The following JADE2 variants were observed in gnomAD, a reference collection of about 807,000 sequenced individuals.
JADE2 encodes jade family PHD finger 2.
In JADE2, 13 loss-of-function variants were observed where a neutral mutation model predicts 85.7. The observed-to-expected ratio is 0.15, with a 90% CI of 0.10 to 0.24. The LOEUF (loss-of-function observed/expected upper bound fraction) is 0.24. JADE2 is among the 10% of genes least tolerant of loss of function. The probability of loss-of-function intolerance (pLI) is 1.00; values close to 1 mark genes in which losing one functional copy is unlikely to be tolerated. For synonymous variants in JADE2, 440 were observed against 456.1 expected (o/e 0.96, Z 0.45); for missense variants, 846 against 1,115.9 (o/e 0.76, Z 3.45).
chr5:134,576,950 C>G, intron 11 of JADE2, 54 bp downstream of exon 11: 1 of 1,489,628 alleles, frequency 6.7e-7, no homozygotes, highest in Non-Finnish European at 8.9e-7. Flanking sequence ...CATCACCACG[C>G]TTGCAGCTCT....
chr5:134,539,168 T>C (rs1326672561), intron 3 of JADE2, among the ~76,000 whole-genome samples: 2 of 151,930 alleles, frequency 1.3e-5, no homozygotes, highest in African/African-American at 2.4e-5. Flanking sequence ...TTCACGCCAT[T>C]CTCCTGCCTC....
intron 3 of JADE2, among the ~76,000 whole-genome samples, chr5:134,550,227 A>T (rs553389957): frequency 6.6e-6 from 1 of 152,322 alleles, no homozygotes; most frequent in African/African-American, 2.4e-5. Context: ...ATTAAATTAT[A>T]TTGGCAAGTA....
rs1468980602 is a variant in JADE2, at chr5:134,562,278, C to A, written c.763C>A (p.Leu255Met). 1 of 1,614,016 alleles carries A rather than the reference C, an allele frequency of 6.2e-7. No homozygotes were observed. Among genetic ancestry groups the A allele is most frequent in the Non-Finnish European group, 8.5e-7 (1 of 1,180,006 alleles). Reference sequence around the variant, plus strand: ...TGCCCTGGGTGTCCAGCCAAAGTGCCTGCTCTGCCCCAAGCGAGGAGGAGC... The same window carrying A: ...TGCCCTGGGTGTCCAGCCAAAGTGCATGCTCTGCCCCAAGCGAGGAGGAGC... ...TCALGVQPKC[L>M]LCPKRGGALK... The change falls in exon 7 of 12, where the codon CTG becomes ATG. Residue 255 changes from leucine to methionine, a missense_variant. Physicochemically the swap from Leu to Met is conservative, Grantham distance 15. Transcript: ENST00000681547. This position sits in a 1 kb window ranked among gnomAD's most constrained non-coding sequence, Gnocchi z 4.6.
intron 6 of JADE2, among the ~76,000 whole-genome samples, chr5:134,561,204 C>T (rs1341822398): frequency 1.3e-5 from 2 of 152,238 alleles, no homozygotes; most frequent in Non-Finnish European, 1.5e-5. Flanking sequence ...AGACCCTCTC[C>T]ACCTTGTGCC....
At chr5:134,532,397 T>A (rs1285789190) in intron 1 of JADE2, among the ~76,000 whole-genome samples, 1 of 152,064 alleles carries the variant, frequency 6.6e-6, no homozygotes, top group Non-Finnish European at 1.5e-5. Context: ...CTGTGGGCTT[T>A]TGCTTCATTG....
chr5:134,579,068 C>T lies in JADE2; in HGVS notation c.2256C>T (p.Leu752=). ...CAAGCCCTAAGCCTTTGGGCCGGCT[C>T]CGGCCACCCCGCGAGAGCAAGGTAA... ...PAASPKPLGR[L]RPPRESKVTR... is the part of the protein sequence containing the mutation. The change falls in exon 12 of 12, where the codon CTC becomes CTT. Residue 752 remains leucine, a synonymous_variant. Coordinates refer to ENST00000681547, the MANE Select transcript of JADE2 (RefSeq NM_001388185.1). This position sits in a 1 kb window ranked among gnomAD's most constrained non-coding sequence, Gnocchi z 4.6. The T allele has an allele frequency of 6.2e-7, 1 of 1,614,030 alleles. No individual in the cohort carries two copies. Among genetic ancestry groups the T allele is most frequent in the Non-Finnish European group, 8.5e-7 (1 of 1,179,984 alleles).
At chr5:134,545,260 T>C (rs1762225007) in intron 3 of JADE2, among the ~76,000 whole-genome samples, 1 of 152,190 alleles carries the variant, frequency 6.6e-6, no homozygotes, top group Non-Finnish European at 1.5e-5. Flanking sequence ...GATCCACTTC[T>C]ATAGTTGGAA....
At chr5:134,576,746 C>T (rs1229660788) in intron 10 of JADE2, 22 bp from the exon 11 acceptor site, 49 of 1,550,422 alleles carry the variant, frequency 3.2e-5, no homozygotes, top group Non-Finnish European at 3.9e-5. Flanking sequence ...TCTCCCTCCT[C>T]CTCTCACTTT....
At chr5:134,529,656 G>A (rs1313387670) in intron 1 of JADE2, among the ~76,000 whole-genome samples, 1 of 152,364 alleles carries the variant, frequency 6.6e-6, no homozygotes, top group Non-Finnish European at 1.5e-5. Context: ...TACCTGGGGA[G>A]GGTCCCCGAT....
intron 3 of JADE2, among the ~76,000 whole-genome samples, chr5:134,548,803 G>A (rs1762441924): frequency 6.6e-6 from 1 of 152,198 alleles, no homozygotes; most frequent in East Asian, 1.9e-4. Flanking sequence ...CTCCAGCCTG[G>A]GCTGAATGCT....
chr5:134,553,430 T>G (rs1762721387), intron 4 of JADE2, among the ~76,000 whole-genome samples: 1 of 151,036 alleles, frequency 6.6e-6, no homozygotes, highest in African/African-American at 2.4e-5. Context: ...CTTGGCTCAC[T>G]GCAACCTCCG....
chr5:134,528,543 C>T (rs1412310133), intron 1 of JADE2, among the ~76,000 whole-genome samples: 1 of 152,196 alleles, frequency 6.6e-6, no homozygotes, highest in Non-Finnish European at 1.5e-5. Context: ...TTTTGGGTCA[C>T]AGGCTGCAAA....
intron 3 of JADE2, among the ~76,000 whole-genome samples, chr5:134,542,595 C>G (rs1410458530): frequency 6.6e-6 from 1 of 152,062 alleles, no homozygotes; most frequent in Non-Finnish European, 1.5e-5. Context: ...GCATGTGCCA[C>G]CACGTCCAGC....
chr5:134,548,006 T>C (rs926927360), intron 3 of JADE2, among the ~76,000 whole-genome samples: 7 of 152,166 alleles, frequency 4.6e-5, no homozygotes, highest in Admixed American at 1.3e-4. Flanking sequence ...AAGGATGAAG[T>C]GTGCCAGCTT....
rs991615750 is a variant in JADE2 at position 134,579,420 on chromosome 5, G to C, written c.*103G>C. The C allele has an allele frequency of 2.3e-6, 2 of 876,132 alleles. No individual in the cohort carries two copies. Among genetic ancestry groups the C allele is most frequent in the Non-Finnish European group, 3.4e-6 (2 of 588,048 alleles). The allele number at this position is 876,132 out of a possible 1,614,324, so 54.3% of individuals were successfully genotyped here. The stretch of plus-strand genomic sequence containing the variant: ...TCTCTGCTGAGTGTCCCAGACCCTC[G>C]AGGCTGCCACTCCGTCGTGGTTTTA... On this transcript the variant is annotated 3_prime_UTR_variant, in exon 12 of 12. Coordinates refer to ENST00000681547, the MANE Select transcript of JADE2 (RefSeq NM_001388185.1). The surrounding 1 kb of genome is among the most constrained non-coding windows in gnomAD (Gnocchi z 4.6).
chr5:134,570,494 C>T (rs756032871), intron 9 of JADE2, among the ~76,000 whole-genome samples: 4 of 152,162 alleles, frequency 2.6e-5, no homozygotes, highest in South Asian at 2.1e-4. Context: ...TGGGTTCCTC[C>T]GCTCCCACCC....
At chr5:134,551,919 T>C (rs1397059140) in intron 3 of JADE2, 133 bp from the exon 4 acceptor site, 2 of 820,732 alleles carry the variant, frequency 2.4e-6, no homozygotes, top group Non-Finnish European at 4.2e-6. Flanking sequence ...TGATTGCTTT[T>C]ATTTCGTCTT....
chr5:134,567,980 T>C (rs1348264670), intron 9 of JADE2, among the ~76,000 whole-genome samples: 1 of 152,200 alleles, frequency 6.6e-6, no homozygotes, highest in Non-Finnish European at 1.5e-5. Context: ...TAAGACCTTC[T>C]GGGACCGAAG....
intron 3 of JADE2, among the ~76,000 whole-genome samples, chr5:134,547,638 T>C (rs1002329843): frequency 5.3e-5 from 8 of 152,226 alleles, no homozygotes; most frequent in Non-Finnish European, 8.8e-5. Context: ...TAGGTTACAA[T>C]TGGCTGCCAT....
Sources: allele counts gnomAD v4.1 joint callset (sites outside exome capture counted in the v4.1 genomes callset), GRCh38; gene constraint gnomAD v4.1.1; non-coding constraint Gnocchi (gnomAD v3.1); transcripts MANE v1.5; gene names NCBI Gene and HGNC (gene_info 2026-07-23, HGNC 2026-07-21).